The following PLD5 variants were observed in gnomAD, a reference collection of about 807,000 sequenced individuals.
PLD5 encodes phospholipase D family member 5.
Under a neutral mutation model 61.1 loss-of-function variants are expected in PLD5, and 36 were observed. That is an observed-to-expected ratio of 0.59 (90% CI 0.45 to 0.78). The LOEUF is 0.78. PLD5 is among the 30% of genes least tolerant of loss of function. The probability of loss-of-function intolerance (pLI) is 0.00; values close to 1 mark genes in which losing one functional copy is unlikely to be tolerated. For synonymous variants in PLD5, 243 were observed against 242.8 expected (o/e 1.00, Z -0.01); for missense variants, 515 against 644.4 (o/e 0.80, Z 2.17).
chr1:242,322,168 T>C, intron 2 of PLD5, among the ~76,000 whole-genome samples: 1 of 152,178 alleles, frequency 6.6e-6, no homozygotes, highest in East Asian at 1.9e-4. Context: ...CTTCACAGCT[T>C]TGGAGCGTTG....
intron 4 of PLD5, among the ~76,000 whole-genome samples, chr1:242,225,536 T>C (rs925498512): frequency 1.3e-5 from 2 of 150,812 alleles, no homozygotes; most frequent in African/African-American, 2.5e-5. Context: ...CTCTTTGCTG[T>C]TGAGTGATAT....
At position 242,430,984 on chromosome 1, in the gene PLD5, T is replaced by G. The variant is rs551518484; in HGVS notation, c.190-82742A>C. On this transcript the variant is annotated intron_variant, in intron 1 of 9. Transcript: ENST00000536534. ...TGCTTTGGGAGGCAGGAAGTATTCC[T>G]GAACCCAGCATCTCCTCTGGCCTTG... 1.2e-4 allele frequency among the ~76,000 whole-genome samples: 19 copies of G among 152,332 alleles called. No individual in the cohort carries two copies. The South Asian group carries it at 3.9e-3, about 32-fold the overall frequency.
chr1:242,207,798 A>T (rs7522996), intron 5 of PLD5, among the ~76,000 whole-genome samples: 1 of 85,834 alleles, frequency 1.2e-5, no homozygotes, highest in Non-Finnish European at 2.1e-5. Context: ...ATTTATATAT[A>T]TTTATATATA....
At chr1:242,499,094 G>A (rs764988348) in intron 1 of PLD5, among the ~76,000 whole-genome samples, 34 of 152,052 alleles carry the variant, frequency 2.2e-4, no homozygotes, top group Non-Finnish European at 4.9e-4. Flanking sequence ...TCGTTTCTTT[G>A]CATCCTCACC....
intron 4 of PLD5, among the ~76,000 whole-genome samples, chr1:242,233,396 C>T (rs913600980): frequency 6.6e-6 from 1 of 152,164 alleles, no homozygotes; most frequent in African/African-American, 2.4e-5. Context: ...CTCAGAATCA[C>T]ACAACAATCT....
intron 5 of PLD5, among the ~76,000 whole-genome samples, chr1:242,159,585 G>A (rs561791887): frequency 1.5e-4 from 23 of 152,234 alleles, no homozygotes; most frequent in South Asian, 8.3e-4. Context: ...GGCTTTCTCC[G>A]TGATCCCGCC....
chr1:242,505,871 A>G (rs1239668194), intron 1 of PLD5, among the ~76,000 whole-genome samples: 1 of 152,240 alleles, frequency 6.6e-6, no homozygotes, highest in Non-Finnish European at 1.5e-5. Context: ...AAGCAGAATT[A>G]TGGTGTAATA....
intron 2 of PLD5, among the ~76,000 whole-genome samples, chr1:242,345,238 G>C (rs1310478575): frequency 3.9e-5 from 6 of 152,110 alleles, no homozygotes; most frequent in Admixed American, 3.9e-4. Context: ...GTGCTCTGCC[G>C]ATAGGGGATG....
At chr1:242,456,413 G>A (rs1666945797) in intron 1 of PLD5, among the ~76,000 whole-genome samples, 1 of 152,160 alleles carries the variant, frequency 6.6e-6, no homozygotes, top group Non-Finnish European at 1.5e-5. Context: ...GGACTGAAAG[G>A]CACACATTTA....
At chr1:242,438,678 C>T (rs532759955) in intron 1 of PLD5, among the ~76,000 whole-genome samples, 4 of 152,172 alleles carry the variant, frequency 2.6e-5, no homozygotes, top group African/African-American at 4.8e-5. Flanking sequence ...CTCCTGACCT[C>T]GTCCCTCCCA....
chr1:242,527,114 C>CTTTTTTTTTTTTTTTTTTTT (rs530334746), upstream of PLD5, among the ~76,000 whole-genome samples: 15 of 71,978 alleles, frequency 2.1e-4, 1 homozygote, highest in East Asian at 4.0e-4. Flanking sequence ...CTATCTCCTT[C>CTTTTTTTTTTTTTTTTTTTT]TTTTTTTTTT....
intron 4 of PLD5, among the ~76,000 whole-genome samples, chr1:242,260,341 C>T (rs56265988): frequency 0.27 from 39,209 of 147,922 alleles, 5,710 homozygotes; most frequent in Non-Finnish European, 0.33. Context: ...AGTGAGACTC[C>T]GTCTCAAAAA....
chr1:242,171,109 GA>G (rs1289889655), intron 5 of PLD5, among the ~76,000 whole-genome samples: 1 of 152,130 alleles, frequency 6.6e-6, no homozygotes, highest in Admixed American at 6.5e-5. Flanking sequence ...GGGTTGAAAT[GA>G]GGGAAAAAAT....
intron 9 of PLD5, among the ~76,000 whole-genome samples, chr1:242,097,661 A>T (rs1264645469): frequency 6.6e-6 from 1 of 152,018 alleles, no homozygotes; most frequent in Non-Finnish European, 1.5e-5. Flanking sequence ...TTGTCAGATG[A>T]GTAGATTGCA....
At chr1:242,183,181 C>T (rs1366332327) in intron 5 of PLD5, among the ~76,000 whole-genome samples, 1 of 152,170 alleles carries the variant, frequency 6.6e-6, no homozygotes, top group Non-Finnish European at 1.5e-5. Flanking sequence ...AGTTCTAGAG[C>T]AAATATATAT....
At chr1:242,241,258 A>G (rs1671982347) in intron 4 of PLD5, among the ~76,000 whole-genome samples, 1 of 152,128 alleles carries the variant, frequency 6.6e-6, no homozygotes. Flanking sequence ...CTAGACAAAG[A>G]TTGTGTAGGG....
chr1:242,509,779 C>A (rs1572267495), intron 1 of PLD5, among the ~76,000 whole-genome samples: 1 of 152,210 alleles, frequency 6.6e-6, no homozygotes, highest in East Asian at 1.9e-4. Flanking sequence ...TACGCCAACA[C>A]TCTTGGTGTG....
intron 2 of PLD5, among the ~76,000 whole-genome samples, chr1:242,298,256 A>G (rs1312575803): frequency 6.6e-6 from 1 of 152,216 alleles, no homozygotes; most frequent in East Asian, 1.9e-4. Flanking sequence ...CTATAATTGT[A>G]TATGTGAAGA....
chr1:242,123,701 A>T (rs1662562562), intron 6 of PLD5, among the ~76,000 whole-genome samples: 1 of 152,246 alleles, frequency 6.6e-6, no homozygotes, highest in Non-Finnish European at 1.5e-5. Flanking sequence ...TTTCTTATCA[A>T]CATGATAATG....
Sources: gnomAD v4.1 joint callset for allele counts (sites outside exome capture counted in the v4.1 genomes callset) on GRCh38, gnomAD v4.1.1 for gene constraint, MANE v1.5 for transcripts, NCBI Gene and HGNC (gene_info 2026-07-23, HGNC 2026-07-21) for gene names.